Variants in LRRC4C observed in about 807,000 individuals in gnomAD.
The protein encoded by LRRC4C is leucine-rich repeat-containing protein 4C.
A neutral mutation model predicts 33.6 loss-of-function variants in LRRC4C; 5 were observed. The observed-to-expected ratio is 0.15, with a 90% CI of 0.08 to 0.31. LRRC4C has a LOEUF of 0.31. Ranked by LOEUF, LRRC4C falls within the 10% of genes least tolerant of loss-of-function variation. The pLI is 1.00. For missense variants in LRRC4C, 560 were observed against 796.7 expected, an observed-to-expected ratio of 0.70 and a Z score of 3.58; for synonymous variants, 329 against 302.0, an observed-to-expected ratio of 1.09 and a Z score of -0.93.
intron 3 of LRRC4C, among the ~76,000 whole-genome samples, chr11:40,362,911 A>G (rs1162542328): frequency 1.3e-5 from 2 of 152,206 alleles, no homozygotes; most frequent in Non-Finnish European, 2.9e-5. Context: ...AAGCCAAAAA[A>G]TAACAGATGC....
chr11:40,167,557 AT>A (rs776919412), intron 5 of LRRC4C, among the ~76,000 whole-genome samples: 3 of 152,056 alleles, frequency 2.0e-5, no homozygotes, highest in Admixed American at 6.5e-5. Flanking sequence ...CCACTTTGGG[AT>A]TTTTTATCCA....
At chr11:41,368,898 T>C (rs1177128309) in intron 1 of LRRC4C, among the ~76,000 whole-genome samples, 1 of 152,188 alleles carries the variant, frequency 6.6e-6, no homozygotes, top group Non-Finnish European at 1.5e-5. Context: ...TAGACAGACA[T>C]GTTATGGCTG....
At chr11:40,293,003 C>G (rs924859955) in intron 4 of LRRC4C, 1 of 152,060 alleles carries the variant, frequency 6.6e-6, no homozygotes, top group Admixed American at 6.6e-5. Flanking sequence ...TTCCCCCCCA[C>G]TCTCCATCCT....
chr11:41,045,562 A>G (rs1857722059), intron 1 of LRRC4C, among the ~76,000 whole-genome samples: 1 of 152,080 alleles, frequency 6.6e-6, no homozygotes, highest in East Asian at 1.9e-4. Context: ...AAGTAAGGAT[A>G]TGTGCTCTTT....
At chr11:40,556,367 T>C (rs1420351535) in intron 3 of LRRC4C, among the ~76,000 whole-genome samples, 1 of 152,194 alleles carries the variant, frequency 6.6e-6, no homozygotes, top group Non-Finnish European at 1.5e-5. Flanking sequence ...TCAGCAAGGC[T>C]GAAAAACTAG....
At chr11:40,508,824 A>G (rs763385081) in intron 3 of LRRC4C, among the ~76,000 whole-genome samples, 9 of 152,194 alleles carry the variant, frequency 5.9e-5, no homozygotes, top group Admixed American at 1.3e-4. Flanking sequence ...TTATTGTTCA[A>G]CTGTTGGCTT....
At chr11:40,716,453 C>T (rs1946721528) in intron 2 of LRRC4C, among the ~76,000 whole-genome samples, 1 of 151,942 alleles carries the variant, frequency 6.6e-6, no homozygotes, top group Admixed American at 6.6e-5. Context: ...AAAACAACAA[C>T]AACAACAATA....
At chr11:40,436,195 T>A (rs1467989633) in intron 3 of LRRC4C, among the ~76,000 whole-genome samples, 1 of 152,194 alleles carries the variant, frequency 6.6e-6, no homozygotes, top group East Asian at 1.9e-4. Context: ...ATTACTAACA[T>A]GAACAAAAAT....
chr11:40,479,233 A>G (rs1225410664), intron 3 of LRRC4C, among the ~76,000 whole-genome samples: 2 of 152,196 alleles, frequency 1.3e-5, no homozygotes, highest in Non-Finnish European at 1.5e-5. Flanking sequence ...TAATAATATT[A>G]TTTGGCCTAA....
intron 4 of LRRC4C, among the ~76,000 whole-genome samples, chr11:40,281,514 A>G (rs1252259668): frequency 6.6e-6 from 1 of 152,170 alleles, no homozygotes; most frequent in South Asian, 2.1e-4. Context: ...GCTCAGGTTC[A>G]ACTGTAAAAT....
rs868089542 is a variant in LRRC4C, at chr11:40,319,722, C to T, written c.-269-1G>A. 2.0e-5 allele frequency: 3 copies of T among 152,194 alleles called. No individual in the cohort carries two copies. Among genetic ancestry groups the T allele is most frequent in the Non-Finnish European group, 2.9e-5 (2 of 68,010 alleles). 9.4% of individuals were successfully genotyped at this position (152,194 alleles called of 1,614,324 possible). On this transcript the variant is annotated splice_acceptor_variant, in intron 3 of 6. Transcript: ENST00000528697. LOFTEE classifies it low-confidence loss of function (5UTR_SPLICE). Reference sequence around the variant, plus strand: ...GATTTCTGCAGATACTTCTTTATACCTGCAGGAAGATAACATAAATATCAT... The same window carrying T: ...GATTTCTGCAGATACTTCTTTATACTTGCAGGAAGATAACATAAATATCAT...
chr11:40,429,231 G>A (rs1301782079), intron 3 of LRRC4C, among the ~76,000 whole-genome samples: 1 of 152,200 alleles, frequency 6.6e-6, no homozygotes, highest in South Asian at 2.1e-4. Context: ...CTGCCACCAT[G>A]CCCAGCTAAT....
intron 1 of LRRC4C, among the ~76,000 whole-genome samples, chr11:41,303,079 GTCCCTCTCCCTCTCCCTC>G (rs142390416): frequency 2.4e-3 from 251 of 104,120 alleles, no homozygotes; most frequent in African/African-American, 6.0e-3. Context: ...TACTGCATTA[GTCCCTCTCCCTCTCCCTC>G]TCCCTCTCCC....
chr11:41,437,417 G>A (rs572862227), intron 1 of LRRC4C, among the ~76,000 whole-genome samples: 1,025 of 84,944 alleles, frequency 0.012, 5 homozygotes, highest in Non-Finnish European at 0.019. Flanking sequence ...ACAAACGCGC[G>A]CGCGCGCGCA....
chr11:41,197,991 C>T (rs1565472117), intron 1 of LRRC4C, among the ~76,000 whole-genome samples: 8 of 151,872 alleles, frequency 5.3e-5, no homozygotes. Flanking sequence ...TCATTGTAAA[C>T]TCAAGTTTAT....
intron 1 of LRRC4C, among the ~76,000 whole-genome samples, chr11:41,311,873 T>G (rs1368683922): frequency 6.6e-6 from 1 of 152,204 alleles, no homozygotes; most frequent in Non-Finnish European, 1.5e-5. Flanking sequence ...CCCTGTATTG[T>G]GACAATCAGT....
chr11:40,197,180 T>C (rs1445957767), intron 5 of LRRC4C, among the ~76,000 whole-genome samples: 1 of 152,212 alleles, frequency 6.6e-6, no homozygotes, highest in African/African-American at 2.4e-5. Flanking sequence ...ACGTTGTGTA[T>C]GCTGAAGCTT....
intron 1 of LRRC4C, among the ~76,000 whole-genome samples, chr11:41,104,364 T>C (rs1183942575): frequency 2.0e-5 from 3 of 151,902 alleles, no homozygotes; most frequent in Non-Finnish European, 4.4e-5. Flanking sequence ...AACCATATTC[T>C]CAATATCACT....
chr11:41,098,563 G>A (rs1017007355), intron 1 of LRRC4C, among the ~76,000 whole-genome samples: 2 of 151,998 alleles, frequency 1.3e-5, no homozygotes, highest in East Asian at 3.9e-4. Context: ...ATATTTCAGC[G>A]CTAAGTGTTT....
Sources: allele counts gnomAD v4.1 joint callset (sites outside exome capture counted in the v4.1 genomes callset), GRCh38; gene constraint gnomAD v4.1.1; transcripts MANE v1.5; gene names NCBI Gene and HGNC (gene_info 2026-07-23, HGNC 2026-07-21).